LMBR1: variants seen among roughly 807,000 people sequenced by gnomAD.
The protein encoded by LMBR1 is limb region 1 protein homolog.
A neutral mutation model predicts 73.9 loss-of-function variants in LMBR1; 52 were observed. The observed-to-expected ratio is 0.70, with a 90% CI of 0.56 to 0.89. LMBR1 has a LOEUF of 0.89. Among genes scored for constraint, LMBR1 ranks in the 40% least tolerant of loss-of-function variants. LMBR1 has a pLI of 0.00. For synonymous variants in LMBR1, 215 were observed against 209.4 expected, an observed-to-expected ratio of 1.03 and a Z score of -0.23; for missense variants, 539 against 579.8, an observed-to-expected ratio of 0.93 and a Z score of 0.72.
chr7:156,834,573 G>A (rs752982634), intron 2 of LMBR1: 16 of 278,422 alleles, frequency 5.7e-5, no homozygotes, highest in South Asian at 2.6e-4. Context: ...ACTGCTCTCC[G>A]GCCTAGGGGA....
At chr7:156,788,683 T>C (rs892225835) in intron 5 of LMBR1, among the ~76,000 whole-genome samples, 2 of 152,164 alleles carry the variant, frequency 1.3e-5, no homozygotes, top group African/African-American at 2.4e-5. Flanking sequence ...AAATAAGAAA[T>C]AGTACGAGGT....
At chr7:156,857,576 T>C (rs914614070) in intron 1 of LMBR1, among the ~76,000 whole-genome samples, 4 of 152,236 alleles carry the variant, frequency 2.6e-5, no homozygotes, top group African/African-American at 9.6e-5. Flanking sequence ...GGGTACATAG[T>C]TGAACTGAAC....
intron 1 of LMBR1, among the ~76,000 whole-genome samples, chr7:156,863,560 G>A (rs1372168304): frequency 2.0e-5 from 3 of 152,074 alleles, no homozygotes; most frequent in African/African-American, 4.8e-5. Flanking sequence ...CACTCGGCAA[G>A]GTAAAATTTG....
rs747292919 is a variant in LMBR1 at position 156,685,698 on chromosome 7, G to C, written c.1388-1535C>G. On this transcript the variant is annotated intron_variant, in intron 16 of 16. Transcript: ENST00000353442. The surrounding 1 kb of genome is among the most constrained non-coding windows in gnomAD (Gnocchi z 4.1). ...TGTGGCCACTGTCACATAGGCAAGT[G>C]GTCTGTTATTGACCAAATGATCATC... Among the ~76,000 whole-genome samples the C allele has an allele frequency of 3.9e-5, 6 of 152,240 alleles. No individual in the cohort carries two copies. Among genetic ancestry groups the C allele is most frequent in the Non-Finnish European group, 5.9e-5 (4 of 68,046 alleles).
intron 1 of LMBR1, among the ~76,000 whole-genome samples, chr7:156,840,801 T>G (rs868448476): frequency 2.1e-4 from 17 of 81,310 alleles, no homozygotes; most frequent in African/African-American, 7.9e-4. Context: ...CTACTAAAAA[T>G]ACAAAAAAAA....
intron 9 of LMBR1, among the ~76,000 whole-genome samples, chr7:156,749,750 C>T (rs1346256114): frequency 2.0e-5 from 3 of 152,138 alleles, no homozygotes; most frequent in East Asian, 1.9e-4. Flanking sequence ...GGTGCAATGG[C>T]GTGATCTCGG....
At chr7:156,728,780 T>C (rs1816271412) in intron 10 of LMBR1, 60 bp from the exon 11 acceptor site, 2 of 1,134,310 alleles carry the variant, frequency 1.8e-6, no homozygotes, top group Admixed American at 2.2e-5. Context: ...TTTCCTTCCA[T>C]AATGCTATAA....
chr7:156,796,638 G>A (rs997233812), intron 4 of LMBR1, 146 bp from the exon 5 acceptor site: 7 of 454,480 alleles, frequency 1.5e-5, no homozygotes, highest in Non-Finnish European at 2.7e-5. Context: ...ATTATAGTAT[G>A]TATTTATTTA....
rs148062910 is a variant in LMBR1 at position 156,723,410 on chromosome 7, T to C, written c.1225+702A>G. 3.5e-3 allele frequency among the ~76,000 whole-genome samples: 534 copies of C among 152,240 alleles called. 3 individuals carry two copies. Among genetic ancestry groups the C allele is most frequent in the African/African-American group, 0.012 (513 of 41,556 alleles). ...TAAGTCAAAACCTAAGTCTAGAGAATTAGATAGAAATGCTTAATGGAAACT... is the reference window on the plus strand; with the variant it reads ...TAAGTCAAAACCTAAGTCTAGAGAACTAGATAGAAATGCTTAATGGAAACT... On this transcript the variant is annotated intron_variant, in intron 15 of 16. Transcript: ENST00000353442.
intron 15 of LMBR1, among the ~76,000 whole-genome samples, chr7:156,695,867 G>GAAAA (rs397957629): frequency 0.12 from 17,352 of 143,520 alleles, 1,510 homozygotes; most frequent in African/African-American, 0.25. Flanking sequence ...GACACTGATG[G>GAAAA]AAAAAAAAAA....
intron 3 of LMBR1, among the ~76,000 whole-genome samples, chr7:156,828,148 G>A (rs1836022491): frequency 1.3e-5 from 2 of 152,074 alleles, no homozygotes; most frequent in South Asian, 4.1e-4. Context: ...GGTCCCACAC[G>A]GCTATCCCAA....
intron 9 of LMBR1, among the ~76,000 whole-genome samples, chr7:156,745,527 C>T (rs1210000694): frequency 1.3e-5 from 2 of 152,180 alleles, no homozygotes; most frequent in African/African-American, 2.4e-5. Context: ...AGGAGGAAAC[C>T]TCGCTGGGTC....
intron 3 of LMBR1, among the ~76,000 whole-genome samples, chr7:156,830,564 A>C (rs1000272417): frequency 2.0e-5 from 3 of 152,252 alleles, no homozygotes; most frequent in Non-Finnish European, 4.4e-5. Flanking sequence ...TATCATCAAA[A>C]GGTCTGATTC....
chr7:156,892,735 G>A lies in LMBR1; in HGVS notation c.66+193C>T, dbSNP rs1446208481. ...CAGAGGAAGCGAAGGGGAGGGGAGG[G>A]GAGAGGAGAGGTGGGGAGGGAAGGG... On this transcript the variant is annotated intron_variant, in intron 1 of 16. Coordinates refer to ENST00000353442, the MANE Select transcript of LMBR1 (RefSeq NM_022458.4). 7.1e-5 allele frequency: 29 copies of A among 405,992 alleles called. 1 individual carries two copies. Among genetic ancestry groups the A allele is most frequent in the African/African-American group, 5.0e-4 (22 of 44,388 alleles). 25.1% of individuals were successfully genotyped at this position (405,992 alleles called of 1,614,324 possible). A position where few individuals can be genotyped will look rare whatever the true frequency, so the allele number is the denominator to read the frequency against.
At chr7:156,879,927 T>C (rs1012016639) in intron 1 of LMBR1, among the ~76,000 whole-genome samples, 1 of 152,174 alleles carries the variant, frequency 6.6e-6, no homozygotes, top group South Asian at 2.1e-4. Flanking sequence ...ACAACCACTA[T>C]GGAAAACAGT....
chr7:156,690,725 C>T (rs1229766142), intron 15 of LMBR1, among the ~76,000 whole-genome samples: 4 of 152,092 alleles, frequency 2.6e-5, no homozygotes, highest in African/African-American at 9.7e-5. Flanking sequence ...ACAAATATTA[C>T]CTCATAAAAA....
downstream of LMBR1, among the ~76,000 whole-genome samples, chr7:156,674,771 T>C (rs1803428559): frequency 6.6e-6 from 1 of 152,222 alleles, no homozygotes; most frequent in Non-Finnish European, 1.5e-5. Flanking sequence ...TCAGATACAA[T>C]ATTAAAATTA....
chr7:156,818,333 G>T (rs988404632), intron 4 of LMBR1, among the ~76,000 whole-genome samples: 1 of 152,152 alleles, frequency 6.6e-6, no homozygotes, highest in African/African-American at 2.4e-5. Context: ...TGACTTGTCG[G>T]ATTCATTGTG....
At chr7:156,671,480 G>C (rs986885930) in intron 4 of LMBR1, among the ~76,000 whole-genome samples, 1 of 152,080 alleles carries the variant, frequency 6.6e-6, no homozygotes, top group African/African-American at 2.4e-5. Context: ...ACCGAGCAAC[G>C]GCAGCACATA....
Sources: gnomAD v4.1 joint callset for allele counts (sites outside exome capture counted in the v4.1 genomes callset) on GRCh38, gnomAD v4.1.1 for gene constraint, Gnocchi (gnomAD v3.1) non-coding constraint, MANE v1.5 for transcripts, NCBI Gene and HGNC (gene_info 2026-07-23, HGNC 2026-07-21) for gene names.